Variants in GTF2A1L observed in about 807,000 individuals in gnomAD.
The protein encoded by GTF2A1L is general transcription factor IIA subunit 1 like.
A neutral mutation model predicts 49.7 loss-of-function variants in GTF2A1L; 48 were observed. The ratio of observed to expected loss-of-function variants is 0.97; its 90% CI spans 0.77 to 1.23. The LOEUF (loss-of-function observed/expected upper bound fraction) is 1.23, where lower values mean the gene tolerates loss of function less well. GTF2A1L is among the 50% of genes most tolerant of loss of function. GTF2A1L has a pLI of 0.00. For missense variants in GTF2A1L, 736 were observed against 564.8 expected, an observed-to-expected ratio of 1.30 and a Z score of -3.07; for synonymous variants, 246 against 193.5, an observed-to-expected ratio of 1.27 and a Z score of -2.25.
intron 8 of GTF2A1L, among the ~76,000 whole-genome samples, chr2:48,677,456 G>C (rs1343598476): frequency 6.6e-6 from 1 of 151,900 alleles, no homozygotes; most frequent in Non-Finnish European, 1.5e-5. Context: ...AAAGTCCTGA[G>C]GTAGGAGTAT....
At chr2:48,647,449 C>G (rs753875145) in intron 6 of GTF2A1L, among the ~76,000 whole-genome samples, 1 of 152,016 alleles carries the variant, frequency 6.6e-6, no homozygotes, top group East Asian at 1.9e-4. Context: ...AATCTGTTTA[C>G]CAGTCTCTTA....
In GTF2A1L at chr2:48,669,944, A is replaced by G. The variant is rs1679077676; in HGVS notation, c.1201A>G (p.Ser401Gly). The G allele has an allele frequency of 1.2e-6, 2 of 1,613,932 alleles. No individual in the cohort carries two copies. Among genetic ancestry groups the G allele is most frequent in the African/African-American group, 2.7e-5 (2 of 74,930 alleles). ...ISNEDSATNS[S>G]DNEDPQVNIV... Reference sequence around the variant, plus strand: ...AAATGAGGATTCAGCCACAAACAGTAGTGATAATGAAGACCCTCAAGTAAA... The same window carrying G: ...AAATGAGGATTCAGCCACAAACAGTGGTGATAATGAAGACCCTCAAGTAAA... The change falls in exon 7 of 9, where the codon AGT becomes GGT. Residue 401 changes from serine to glycine, a missense_variant. Ser to Gly is a moderately conservative substitution (Grantham distance 56). Transcript: ENST00000403751.
intron 3 of GTF2A1L, among the ~76,000 whole-genome samples, chr2:48,629,633 G>A (rs1477610632): frequency 6.9e-6 from 1 of 144,176 alleles, no homozygotes; most frequent in African/African-American, 2.5e-5. Context: ...GAGTATATGC[G>A]GTGAGAAAGG....
chr2:48,625,289 A>T (rs1435317299), intron 3 of GTF2A1L, among the ~76,000 whole-genome samples: 1 of 143,446 alleles, frequency 7.0e-6, no homozygotes. Flanking sequence ...TGCAGTTTTG[A>T]CTTATATTCC....
chr2:48,662,774 C>CT (rs1678586931), intron 6 of GTF2A1L, among the ~76,000 whole-genome samples: 1 of 151,050 alleles, frequency 6.6e-6, no homozygotes, highest in Admixed American at 6.6e-5. Context: ...AGATGCGTTG[C>CT]TTTTCTCTTG....
At chr2:48,624,181 C>G (rs1211410565) in intron 3 of GTF2A1L, among the ~76,000 whole-genome samples, 1 of 143,510 alleles carries the variant, frequency 7.0e-6, no homozygotes, top group Non-Finnish European at 1.6e-5. Context: ...TTAAGGACCC[C>G]AAATAGCTTT....
intron 1 of GTF2A1L, among the ~76,000 whole-genome samples, chr2:48,619,979 G>A (rs938029614): frequency 1.2e-4 from 18 of 152,170 alleles, no homozygotes; most frequent in Non-Finnish European, 1.2e-4. Flanking sequence ...AGGTGTATTT[G>A]ATAATGGTCC....
At chr2:48,651,051 G>A (rs1378237240) in intron 6 of GTF2A1L, among the ~76,000 whole-genome samples, 2 of 152,122 alleles carry the variant, frequency 1.3e-5, no homozygotes, top group African/African-American at 2.4e-5. Flanking sequence ...AGCTTAAATT[G>A]CAAAGACTGG....
intron 6 of GTF2A1L, among the ~76,000 whole-genome samples, chr2:48,653,239 A>G (rs931385993): frequency 1.5e-4 from 22 of 145,558 alleles, no homozygotes; most frequent in African/African-American, 5.3e-4. Flanking sequence ...AAAAAAAAAA[A>G]AGTAAAATAA....
intron 6 of GTF2A1L, among the ~76,000 whole-genome samples, chr2:48,659,233 C>G (rs1273750458): frequency 6.6e-6 from 1 of 152,054 alleles, no homozygotes; most frequent in Non-Finnish European, 1.5e-5. Flanking sequence ...GTCTACCTTT[C>G]TAGCAAGATT....
At chr2:48,641,503 A>G (rs1677196133) in intron 3 of GTF2A1L, among the ~76,000 whole-genome samples, 2 of 152,180 alleles carry the variant, frequency 1.3e-5, no homozygotes, top group African/African-American at 4.8e-5. Flanking sequence ...GCCATAATAA[A>G]TATTACATTA....
At chr2:48,623,098 T>A (rs772478308) in intron 3 of GTF2A1L, among the ~76,000 whole-genome samples, 1 of 152,216 alleles carries the variant, frequency 6.6e-6, no homozygotes, top group Non-Finnish European at 1.5e-5. Context: ...GAATTACATG[T>A]ATCCCTTAAA....
chr2:48,671,590 G>A lies in GTF2A1L; in HGVS notation c.1240-1G>A, dbSNP rs1279042436. On this transcript the variant is annotated splice_acceptor_variant, in intron 7 of 8. Coordinates refer to ENST00000403751, the MANE Select transcript of GTF2A1L (RefSeq NM_006872.5). LOFTEE classifies it high-confidence loss of function. ...TTAATGTGATCATCTTTCGTCTTTA[G>A]GACCCTTTAAATTCTGGAGATGATG... 6 of 1,612,914 alleles carry A rather than the reference G, an allele frequency of 3.7e-6. No individual in the cohort carries two copies. The highest frequency in any genetic ancestry group is 1.1e-5 in the South Asian group (1 of 90,660).
chr2:48,639,460 A>G (rs1040785048), intron 3 of GTF2A1L, among the ~76,000 whole-genome samples: 7 of 152,204 alleles, frequency 4.6e-5, no homozygotes, highest in East Asian at 1.9e-4. Context: ...AGCACTCCCA[A>G]TAAAATAAAT....
intron 6 of GTF2A1L, among the ~76,000 whole-genome samples, chr2:48,663,050 C>T (rs563966082): frequency 7.3e-5 from 11 of 151,720 alleles, no homozygotes; most frequent in Non-Finnish European, 1.3e-4. Context: ...GTACATATAC[C>T]CCTGAACTTA....
At chr2:48,625,661 T>G (rs1303926623) in intron 3 of GTF2A1L, among the ~76,000 whole-genome samples, 5 of 143,058 alleles carry the variant, frequency 3.5e-5, no homozygotes, top group African/African-American at 5.0e-5. Flanking sequence ...TAGGTCACTG[T>G]AGCCTTGACT....
Position 48,671,688 on chromosome 2 carries a change from A to G in GTF2A1L, c.1329+8A>G. The G allele has an allele frequency of 6.2e-7, 1 of 1,607,054 alleles. No individual in the cohort carries two copies. Among genetic ancestry groups the G allele is most frequent in the Non-Finnish European group, 8.5e-7 (1 of 1,176,816 alleles). The stretch of plus-strand genomic sequence containing the variant: ...GTCTGTCAGTATGATAAGGTACTGT[A>G]TTTACCTTTTGGACTTTGGGTTTAT... On this transcript the variant is annotated splice_region_variant and intron_variant, in intron 8 of 8. Coordinates refer to ENST00000403751, the MANE Select transcript of GTF2A1L (RefSeq NM_006872.5).
chr2:48,621,982 C>A (rs1676025090), intron 3 of GTF2A1L, among the ~76,000 whole-genome samples: 1 of 152,116 alleles, frequency 6.6e-6, no homozygotes, highest in African/African-American at 2.4e-5. Context: ...TTATGTTACT[C>A]ATATGTGTAT....
intron 1 of GTF2A1L, among the ~76,000 whole-genome samples, chr2:48,618,269 T>C (rs1368985641): frequency 1.3e-5 from 2 of 152,244 alleles, no homozygotes; most frequent in East Asian, 3.8e-4. Flanking sequence ...TTCCAAGCTG[T>C]ATTATTTACT....
Sources: allele counts gnomAD v4.1 joint callset (sites outside exome capture counted in the v4.1 genomes callset), GRCh38; gene constraint gnomAD v4.1.1; transcripts MANE v1.5; gene names NCBI Gene and HGNC (gene_info 2026-07-23, HGNC 2026-07-21).